Variants in SEC16A observed in about 807,000 individuals in gnomAD.
SEC16A encodes the protein protein transport protein Sec16A.
SEC16A carries 110 observed loss-of-function variants against 221.9 expected under a neutral mutation model. The observed-to-expected ratio is 0.50, with a 90% CI of 0.42 to 0.58. The LOEUF (loss-of-function observed/expected upper bound fraction) is 0.58, where lower values mean the gene tolerates loss of function less well. Ranked by LOEUF, SEC16A falls within the 20% of genes least tolerant of loss-of-function variation. The pLI, the probability that SEC16A is intolerant of heterozygous loss-of-function variation, is 0.00. For synonymous variants in SEC16A, 1,393 were observed against 1,257.7 expected, an observed-to-expected ratio of 1.11 and a Z score of -2.28; for missense variants, 3,165 against 3,097.8, an observed-to-expected ratio of 1.02 and a Z score of -0.52.
At chr9:136,465,877 G>T in intron 8 of SEC16A, 85 bp downstream of exon 8, 1 of 1,387,054 alleles carries the variant, frequency 7.2e-7, no homozygotes, top group Non-Finnish European at 9.8e-7. Context: ...TCCAATCCCA[G>T]CCCTGACTCC....
At position 136,466,112 on chromosome 9, in the gene SEC16A, C is replaced by A. The variant is rs747667668; in HGVS notation, c.4153G>T (p.Val1385Leu). The stretch of plus-strand genomic sequence containing the variant: ...GGGGCCTCGTAGGAACCGGCAGCCA[C>A]ATTGTGGCTTCTGTAAATCTGACTC... The part of the protein sequence containing the change: ...HQSQIYRSHN[V>L]AAGSYEAPLP... Residue 1385 changes from valine (V) to leucine (L), a missense_variant, in exon 8 of 32, where the codon GTG (valine) becomes TTG (leucine). Transcript: ENST00000684901. The surrounding 1 kb of genome is among the most constrained non-coding windows in gnomAD (Gnocchi z 5.5). 1 of 1,602,602 alleles carries A rather than the reference C, an allele frequency of 6.2e-7. No individual in the cohort carries two copies. Among genetic ancestry groups the A allele is most frequent in the Non-Finnish European group, 8.5e-7 (1 of 1,173,392 alleles).
At position 136,447,087 on chromosome 9, in the gene SEC16A, A is replaced by C. The variant is rs1239152588; in HGVS notation, c.6698-138T>G. The stretch of plus-strand genomic sequence containing the variant: ...CAGAAACAGGCAAATCAAAAAAAAA[A>C]CCACAAACCAACCCCAGGCTCTCTG... On this transcript the variant is annotated intron_variant, in intron 27 of 31. Coordinates refer to ENST00000684901, the MANE Select transcript of SEC16A (RefSeq NM_014866.2). This position sits in a 1 kb window ranked among gnomAD's most constrained non-coding sequence, Gnocchi z 5.5. The C allele has an allele frequency of 4.4e-5, 64 of 1,444,902 alleles. No individual in the cohort carries two copies. Among genetic ancestry groups the C allele is most frequent in the East Asian group, 9.5e-5 (4 of 42,230 alleles). The allele number at this position is 1,444,902 out of a possible 1,614,324, so 89.5% of individuals were successfully genotyped here. A position where few individuals can be genotyped will look rare whatever the true frequency, so the allele number is the denominator to read the frequency against.
Position 136,474,446 on chromosome 9 carries a change from G to A in SEC16A, c.3170C>T (p.Ala1057Val), listed in dbSNP as rs1302012779. ...DAQGQPGLER[A>V]QQELVPPQQQ... is the part of the protein sequence containing the mutation. The stretch of plus-strand genomic sequence containing the variant: ...CTGGGGTGGCACCAGCTCCTGCTGG[G>A]CTCTTTCGAGGCCAGGCTGGCCCTG... The change falls in exon 3 of 32, where the codon GCC becomes GTC. Residue 1057 changes from alanine to valine, a missense_variant. Coordinates refer to ENST00000684901, the MANE Select transcript of SEC16A (RefSeq NM_014866.2). 1 of 1,613,120 alleles carries A rather than the reference G, an allele frequency of 6.2e-7. No individual in the cohort carries two copies.
chr9:136,447,153 A>C lies in SEC16A; in HGVS notation c.6697+74T>G. 6.5e-7 allele frequency: 1 copy of C among 1,538,458 alleles called. No homozygotes were observed. On this transcript the variant is annotated intron_variant, in intron 27 of 31. Transcript: ENST00000684901. This position sits in a 1 kb window ranked among gnomAD's most constrained non-coding sequence, Gnocchi z 5.5. Reference sequence around the variant, plus strand: ...ATTCTTTTAACGGGAGATTTAGGAGAGACTCATAGAAAGAGGATCAAAGGT... The same window carrying C: ...ATTCTTTTAACGGGAGATTTAGGAGCGACTCATAGAAAGAGGATCAAAGGT...
chr9:136,451,755 C>T (rs1837851066), intron 22 of SEC16A, among the ~76,000 whole-genome samples: 1 of 152,082 alleles, frequency 6.6e-6, no homozygotes, highest in African/African-American at 2.4e-5. Context: ...CAGAGGGGGG[C>T]GATGGGTGTT....
intron 27 of SEC16A, 28 bp from the exon 28 acceptor site, chr9:136,446,977 C>CA: frequency 6.2e-7 from 1 of 1,613,416 alleles, no homozygotes; most frequent in East Asian, 2.2e-5. Context: ...AGGAGGCCAT[C>CA]ATTCCGTCCC....
Position 136,454,218 on chromosome 9 carries a change from T to TG in SEC16A, c.5966dup (p.Gly1990ArgfsTer58). 1 of 1,568,378 alleles carries TG rather than the reference T, an allele frequency of 6.4e-7. No individual in the cohort carries two copies. The highest frequency in any genetic ancestry group is 1.3e-5 in the African/African-American group (1 of 74,090). ...GCTCCAGGAAGCCAAGTGCAGGCCC[T>TG]GGGGTCACACAGCCAGGACCCGGCT... On this transcript the variant is annotated frameshift_variant, in exon 21 of 32. Coordinates refer to ENST00000684901, the MANE Select transcript of SEC16A (RefSeq NM_014866.2). LOFTEE classifies it high-confidence loss of function.
Position 136,460,210 on chromosome 9 carries a change from C to T in SEC16A, c.4992-87G>A, listed in dbSNP as rs1588938169. 1.8e-6 allele frequency: 2 copies of T among 1,138,736 alleles called. 1 individual carries two copies. The highest frequency in any genetic ancestry group is 4.3e-5 in the Admixed American group (2 of 46,928). The allele number at this position is 1,138,736 out of a possible 1,614,324, so 70.5% of individuals were successfully genotyped here. A position where few individuals can be genotyped will look rare whatever the true frequency, so the allele number is the denominator to read the frequency against. Reference sequence around the variant, plus strand: ...GGACATGATGGCTCACGCCTGTAATCCCAGCACTTTGGGAGGCCAAAGTGG... The same window carrying T: ...GGACATGATGGCTCACGCCTGTAATTCCAGCACTTTGGGAGGCCAAAGTGG... On this transcript the variant is annotated intron_variant, in intron 13 of 31. Coordinates refer to ENST00000684901, the MANE Select transcript of SEC16A (RefSeq NM_014866.2).
intron 2 of SEC16A, among the ~76,000 whole-genome samples, chr9:136,477,934 C>T (rs1841860711): frequency 6.6e-6 from 1 of 152,124 alleles, no homozygotes; most frequent in African/African-American, 2.4e-5. Context: ...TCTAGATGGC[C>T]ACTCCCTCCC....
rs1312245447 is a variant in SEC16A at position 136,447,138 on chromosome 9, C to T, written c.6697+89G>A. ...CATGCTGGCCAGGTCATTCTTTTAA[C>T]GGGAGATTTAGGAGAGACTCATAGA... On this transcript the variant is annotated intron_variant, in intron 27 of 31. Coordinates refer to ENST00000684901, the MANE Select transcript of SEC16A (RefSeq NM_014866.2). The surrounding 1 kb of genome is among the most constrained non-coding windows in gnomAD (Gnocchi z 5.5). The T allele has an allele frequency of 1.3e-5, 20 of 1,521,712 alleles. No individual in the cohort carries two copies. The highest frequency in any genetic ancestry group is 4.9e-5 in the East Asian group (2 of 41,046). The allele number at this position is 1,521,712 out of a possible 1,614,324, so 94.3% of individuals were successfully genotyped here. A position where few individuals can be genotyped will look rare whatever the true frequency, so the allele number is the denominator to read the frequency against.
intron 2 of SEC16A, among the ~76,000 whole-genome samples, chr9:136,478,477 C>CA (rs1201606592): frequency 1.3e-5 from 2 of 150,220 alleles, no homozygotes; most frequent in East Asian, 3.9e-4. Context: ...AAAAGGGATA[C>CA]AAAAGTTTAA....
chr9:136,465,132 G>A (rs927938033), intron 8 of SEC16A, among the ~76,000 whole-genome samples: 1 of 147,522 alleles, frequency 6.8e-6, no homozygotes, highest in Non-Finnish European at 1.5e-5. Flanking sequence ...AAAAAGAAAT[G>A]AAAAAATGTT....
chr9:136,448,635 T>C, intron 23 of SEC16A: 1 of 604,974 alleles, frequency 1.7e-6, no homozygotes, highest in Non-Finnish European at 3.0e-6. Context: ...AGGATGGAGG[T>C]GGGGAGCAGA....
At chr9:136,478,344 C>T (rs1841911886) in intron 2 of SEC16A, among the ~76,000 whole-genome samples, 1 of 144,608 alleles carries the variant, frequency 6.9e-6, no homozygotes, top group African/African-American at 2.6e-5. Flanking sequence ...TTGAGGCTGT[C>T]GTGAGCTATG....
At chr9:136,465,523 A>AT (rs111669374) in intron 8 of SEC16A, among the ~76,000 whole-genome samples, 7,890 of 152,308 alleles carry the variant, frequency 0.052, 549 homozygotes, top group African/African-American at 0.16. Context: ...ATCTTTACGT[A>AT]TATTTCTGCA....
In SEC16A at chr9:136,476,185, A is replaced by G. The variant is rs377548382; in HGVS notation, c.1431T>C (p.Asn477=). 1 of 1,613,720 alleles carries G rather than the reference A, an allele frequency of 6.2e-7. No individual in the cohort carries two copies. Among genetic ancestry groups the G allele is most frequent in the African/African-American group, 1.3e-5 (1 of 74,924 alleles). ...GGTCACTCGGGGAGGAAGGGTCCAAATTGAGGGGCTCACTTGGCAGAACTT... is the reference window on the plus strand; with the variant it reads ...GGTCACTCGGGGAGGAAGGGTCCAAGTTGAGGGGCTCACTTGGCAGAACTT... ...NQEVLPSEPL[N]LDPSSPSDQF... is the part of the protein sequence containing the mutation. Residue 477 remains asparagine (N), a synonymous_variant, in exon 3 of 32, where the codon AAT becomes AAC. Coordinates refer to ENST00000684901, the MANE Select transcript of SEC16A (RefSeq NM_014866.2).
Position 136,477,383 on chromosome 9 carries a change from A to C in SEC16A, c.233T>G (p.Leu78Trp). The stretch of plus-strand genomic sequence containing the variant: ...AAACCCTGCGGGGGCTGGGCCTTGC[A>C]AGACAGGTGGACTGCTTTTGGACGA... Reference protein sequence around the residue: ...GSSSKSSPPVLQGPAPAGFSQ... With the variant: ...GSSSKSSPPVWQGPAPAGFSQ... The change falls in exon 3 of 32, where the codon TTG (leucine) becomes TGG (tryptophan). Residue 78 changes from leucine to tryptophan, a missense_variant. By Grantham distance (61) the Leu-to-Trp change is moderately conservative (BLOSUM62 -2). Coordinates refer to ENST00000684901, the MANE Select transcript of SEC16A (RefSeq NM_014866.2). 1 of 1,614,000 alleles carries C rather than the reference A, an allele frequency of 6.2e-7. No individual in the cohort carries two copies. The highest frequency in any genetic ancestry group is 8.5e-7 in the Non-Finnish European group (1 of 1,179,890).
At chr9:136,469,800 C>T (rs942050614) in intron 4 of SEC16A, among the ~76,000 whole-genome samples, 9 of 152,230 alleles carry the variant, frequency 5.9e-5, no homozygotes, top group African/African-American at 2.2e-4. Context: ...GCTCGGTTGG[C>T]GCAGCACCTC....
chr9:136,443,088 G>A (rs918126771), intron 31 of SEC16A, among the ~76,000 whole-genome samples: 2 of 152,228 alleles, frequency 1.3e-5, no homozygotes, highest in African/African-American at 2.4e-5. Context: ...CAGAGACCAC[G>A]GGCTCCAGGA....
Sources: gnomAD v4.1 joint callset for allele counts (sites outside exome capture counted in the v4.1 genomes callset) on GRCh38, gnomAD v4.1.1 for gene constraint, Gnocchi (gnomAD v3.1) non-coding constraint, MANE v1.5 for transcripts, NCBI Gene and HGNC (gene_info 2026-07-23, HGNC 2026-07-21) for gene names.